SH3GLB1: variants seen among roughly 807,000 people sequenced by gnomAD.
The protein encoded by SH3GLB1 is SH3 domain containing GRB2 like, endophilin B1.
In SH3GLB1, 17 loss-of-function variants were observed where a neutral mutation model predicts 42.0. The ratio of observed to expected loss-of-function variants is 0.40; its 90% CI spans 0.28 to 0.61. SH3GLB1 has a LOEUF of 0.61. SH3GLB1 is among the 20% of genes least tolerant of loss of function. The pLI is 0.36. For synonymous variants in SH3GLB1, 132 were observed against 146.6 expected, an observed-to-expected ratio of 0.90 and a Z score of 0.72; for missense variants, 355 against 426.3, an observed-to-expected ratio of 0.83 and a Z score of 1.47.
chr1:86,716,449 T>TG (rs976548751), intron 2 of SH3GLB1, among the ~76,000 whole-genome samples: 3 of 151,906 alleles, frequency 2.0e-5, no homozygotes, highest in Admixed American at 2.0e-4. Flanking sequence ...TAATTTTTTT[T>TG]TGTGTGTGTG....
At chr1:86,729,990 C>T in intron 5 of SH3GLB1, 1 of 1,156,332 alleles carries the variant, frequency 8.6e-7, no homozygotes, top group South Asian at 1.5e-5. Flanking sequence ...AAGAGTATGC[C>T]ATTTAAACAA....
chr1:86,737,112 C>G (rs1053083943), intron 7 of SH3GLB1, among the ~76,000 whole-genome samples: 1 of 152,058 alleles, frequency 6.6e-6, no homozygotes, highest in African/African-American at 2.4e-5. Flanking sequence ...GAGGTAGGTA[C>G]TATTATTATC....
At chr1:86,706,786 G>A (rs1424996875) in intron 1 of SH3GLB1, among the ~76,000 whole-genome samples, 1 of 152,062 alleles carries the variant, frequency 6.6e-6, no homozygotes, top group Non-Finnish European at 1.5e-5. Context: ...CCTTAAAGAG[G>A]ACACATTTAC....
At chr1:86,710,414 G>A (rs1286000371) in intron 1 of SH3GLB1, among the ~76,000 whole-genome samples, 1 of 151,912 alleles carries the variant, frequency 6.6e-6, no homozygotes, top group African/African-American at 2.4e-5. Flanking sequence ...ACAGACACGC[G>A]CCACCGTGCC....
chr1:86,725,347 A>G (rs1655138244), intron 5 of SH3GLB1, among the ~76,000 whole-genome samples: 1 of 152,116 alleles, frequency 6.6e-6, no homozygotes, highest in Non-Finnish European at 1.5e-5. Context: ...GGATAAATAA[A>G]TTCTAGTATA....
rs1656294342 is a variant in SH3GLB1, at chr1:86,746,326, G to A, written c.*3091G>A. 1 of 152,190 alleles carries A rather than the reference G, an allele frequency of 6.6e-6. No homozygotes were observed. Among genetic ancestry groups the A allele is most frequent in the Non-Finnish European group, 1.5e-5 (1 of 68,074 alleles). The allele number at this position is 152,190 out of a possible 1,614,324, so 9.4% of individuals were successfully genotyped here. On this transcript the variant is annotated 3_prime_UTR_variant, in exon 9 of 9. Coordinates refer to ENST00000370558, the MANE Select transcript of SH3GLB1 (RefSeq NM_016009.5). ...GGCCCCACTCACCTCCATGCTGACA[G>A]AATTCCAGAAAAATTCCTTCCCTAT...
intron 1 of SH3GLB1, among the ~76,000 whole-genome samples, chr1:86,709,444 G>A (rs1041987349): frequency 6.6e-6 from 1 of 152,176 alleles, no homozygotes; most frequent in Non-Finnish European, 1.5e-5. Flanking sequence ...GGTGCTTGGC[G>A]TTGAAAGATA....
chr1:86,742,579 A>C, intron 8 of SH3GLB1, 143 bp downstream of exon 8: 1 of 520,854 alleles, frequency 1.9e-6, no homozygotes, highest in East Asian at 3.3e-5. Context: ...AATTTTAATT[A>C]ATATTCTTTA....
chr1:86,733,670 C>A (rs1478073606), intron 5 of SH3GLB1, among the ~76,000 whole-genome samples: 1 of 152,052 alleles, frequency 6.6e-6, no homozygotes, highest in Non-Finnish European at 1.5e-5. Flanking sequence ...ATGTTTTTTG[C>A]CACTATTTGC....
chr1:86,709,748 A>G (rs1425395989), intron 1 of SH3GLB1, among the ~76,000 whole-genome samples: 1 of 152,250 alleles, frequency 6.6e-6, no homozygotes, highest in Non-Finnish European at 1.5e-5. Flanking sequence ...TAAACTGATT[A>G]TTAAAGTCAT....
At position 86,742,419 on chromosome 1, in the gene SH3GLB1, T is replaced by C; in HGVS notation, c.973T>C (p.Ser325Pro). ...TGATGCAGCAAACAGTACTGAATTATCACTTCTGGCAGATGAGGTGAGTAT... is the reference window on the plus strand; with the variant it reads ...TGATGCAGCAAACAGTACTGAATTACCACTTCTGGCAGATGAGGTGAGTAT... The part of the protein sequence containing the change: ...DYDAANSTEL[S>P]LLADEVITVF... Residue 325 changes from serine to proline, a missense_variant, in exon 8 of 9, where the codon TCA becomes CCA. Physicochemically the swap from Ser to Pro is moderately conservative, Grantham distance 74. Coordinates refer to ENST00000370558, the MANE Select transcript of SH3GLB1 (RefSeq NM_016009.5). The C allele has an allele frequency of 6.2e-7, 1 of 1,613,852 alleles. No individual in the cohort carries two copies. Among genetic ancestry groups the C allele is most frequent in the Non-Finnish European group, 8.5e-7 (1 of 1,179,806 alleles).
rs556339437 is a variant in SH3GLB1, at chr1:86,711,546, T to C, written c.73-4178T>C. On this transcript the variant is annotated intron_variant, in intron 1 of 8. Transcript: ENST00000370558. ...AGTTTGCCTTTTATTTTAGGTTGTT[T>C]ACACAAAAGTTCTTAATTATTAAAC... 3.3e-5 allele frequency among the ~76,000 whole-genome samples: 5 copies of C among 152,272 alleles called. No individual in the cohort carries two copies. In the East Asian group the frequency reaches 9.6e-4, roughly 29 times the overall value.
chr1:86,743,162 C>T lies in SH3GLB1; in HGVS notation c.1025C>T (p.Ser342Leu). 2 of 1,613,456 alleles carry T rather than the reference C, an allele frequency of 1.2e-6. No individual in the cohort carries two copies. The highest frequency in any genetic ancestry group is 1.7e-6 in the Non-Finnish European group (2 of 1,179,814). Residue 342 changes from serine (S) to leucine (L), a missense_variant, in exon 9 of 9, where the codon TCA becomes TTA. Coordinates refer to ENST00000370558, the MANE Select transcript of SH3GLB1 (RefSeq NM_016009.5). ...ITVFSVVGMD[S>L]DWLMGERGNQ... Reference sequence around the variant, plus strand: ...GTGTTCAGTGTTGTTGGAATGGATTCAGACTGGCTAATGGGGGAAAGGGGA... The same window carrying T: ...GTGTTCAGTGTTGTTGGAATGGATTTAGACTGGCTAATGGGGGAAAGGGGA...
intron 5 of SH3GLB1, among the ~76,000 whole-genome samples, chr1:86,727,180 AT>A (rs1033431643): frequency 4.6e-5 from 7 of 151,982 alleles, no homozygotes; most frequent in African/African-American, 1.2e-4. Flanking sequence ...ACAACAGATC[AT>A]ACTTTTTGAT....
At chr1:86,716,038 C>T (rs1007136982) in intron 2 of SH3GLB1, among the ~76,000 whole-genome samples, 173 bp downstream of exon 2, 1 of 151,980 alleles carries the variant, frequency 6.6e-6, no homozygotes, top group Non-Finnish European at 1.5e-5. Context: ...CAGCTATGTA[C>T]CTAACCAATT....
chr1:86,721,980 T>C (rs1339587738), intron 3 of SH3GLB1, among the ~76,000 whole-genome samples: 1 of 151,586 alleles, frequency 6.6e-6, no homozygotes, highest in Non-Finnish European at 1.5e-5. Context: ...GGGAGAAAAG[T>C]CTGTACATGT....
At chr1:86,741,236 A>G (rs1356560229) in intron 7 of SH3GLB1, among the ~76,000 whole-genome samples, 5 of 152,190 alleles carry the variant, frequency 3.3e-5, no homozygotes, top group Admixed American at 6.5e-5. Flanking sequence ...TTTGCTGATG[A>G]CTGAAATGAT....
intron 5 of SH3GLB1, among the ~76,000 whole-genome samples, chr1:86,724,892 A>AAAAATATATATATATATATATATAT (rs1291454820): frequency 5.0e-5 from 5 of 99,664 alleles, no homozygotes; most frequent in Admixed American, 3.1e-4. Context: ...AAAAAAAAAA[A>AAAAATATATATATATATATATATAT]ATATATATAT....
intron 8 of SH3GLB1, among the ~76,000 whole-genome samples, chr1:86,742,791 C>T (rs572316584): frequency 6.6e-6 from 1 of 152,122 alleles, no homozygotes; most frequent in African/African-American, 2.4e-5. Flanking sequence ...GACACCTCAT[C>T]TCTACAAAAA....
Sources: allele counts gnomAD v4.1 joint callset (sites outside exome capture counted in the v4.1 genomes callset), GRCh38; gene constraint gnomAD v4.1.1; transcripts MANE v1.5; gene names NCBI Gene and HGNC (gene_info 2026-07-23, HGNC 2026-07-21).